The following KRT6A variants were observed in gnomAD, a reference collection of about 807,000 sequenced individuals.
The protein encoded by KRT6A is keratin, type II cytoskeletal 6A.
Under a neutral mutation model 48.6 loss-of-function variants are expected in KRT6A, and 28 were observed. The ratio of observed to expected loss-of-function variants is 0.58; its 90% confidence interval spans 0.43 to 0.79. The LOEUF (loss-of-function observed/expected upper bound fraction) is 0.79, where lower values mean the gene tolerates loss of function less well. Among genes scored for constraint, KRT6A ranks in the 30% least tolerant of loss-of-function variants. The pLI is 0.00. For synonymous variants in KRT6A, 301 were observed against 294.2 expected, an observed-to-expected ratio of 1.02 and a Z score of -0.24; for missense variants, 687 against 724.3, an observed-to-expected ratio of 0.95 and a Z score of 0.59.
At position 52,490,598 on chromosome 12, in the gene KRT6A, C is replaced by T. The variant is rs1448475699; in HGVS notation, c.1048G>A (p.Ala350Thr). 3.1e-6 allele frequency: 5 copies of T among 1,614,088 alleles called. No homozygotes were observed. Among genetic ancestry groups the T allele is most frequent in the Non-Finnish European group, 4.2e-6 (5 of 1,180,056 alleles). The change falls in exon 5 of 9, where the codon GCT (alanine) becomes ACT (threonine). Residue 350 changes from alanine to threonine, a missense_variant. Transcript: ENST00000330722. ...QYEEIAQRSR[A>T]EAESWYQTKY... ...GTCTGGTACCAGGACTCAGCCTCAGCCCGGCTTCTCTGAGCAATCTCCTCA... is the reference window on the plus strand; with the variant it reads ...GTCTGGTACCAGGACTCAGCCTCAGTCCGGCTTCTCTGAGCAATCTCCTCA...
Position 52,491,190 on chromosome 12 carries a change from T to C in KRT6A, c.756-18A>G. ...CCTCATATCTACAGGAAGAAAGGCA[T>C]GGGACACATTTGAGCCAGTGGGTAG... On this transcript the variant is annotated intron_variant, in intron 2 of 8. Transcript: ENST00000330722. The C allele has an allele frequency of 8.7e-6, 14 of 1,613,976 alleles. No individual in the cohort carries two copies. The highest frequency in any genetic ancestry group is 1.1e-5 in the Non-Finnish European group (13 of 1,179,858).
chr12:52,489,896 C>T (rs370811509), intron 6 of KRT6A, 47 bp downstream of exon 6: 183 of 1,613,984 alleles, frequency 1.1e-4, no homozygotes, highest in Middle Eastern at 1.6e-4. Flanking sequence ...GGCTGCCTGA[C>T]GACCTGACAA....
intron 5 of KRT6A, 186 bp from the exon 6 acceptor site, chr12:52,490,254 T>C (rs1168260455): frequency 1.7e-6 from 2 of 1,166,930 alleles, no homozygotes; most frequent in East Asian, 2.5e-5. Flanking sequence ...ATCCTCATTA[T>C]GGCACCACTG....
chr12:52,492,433 G>A (rs907308979), intron 1 of KRT6A, among the ~76,000 whole-genome samples: 8 of 152,134 alleles, frequency 5.3e-5, no homozygotes, highest in African/African-American at 7.2e-5. Context: ...AAAAGTTATG[G>A]TTCTCCCTAG....
At position 52,491,515 on chromosome 12, in the gene KRT6A, A is replaced by C; in HGVS notation, c.755+7T>G. ...GAAACTGAGTCCATTTCTCCTGTTT[A>C]ACTCACTTGTTCTTGAAGTCCTCCA... On this transcript the variant is annotated splice_region_variant and intron_variant, in intron 2 of 8. Coordinates refer to ENST00000330722, the MANE Select transcript of KRT6A (RefSeq NM_005554.4). The C allele has an allele frequency of 6.2e-7, 1 of 1,614,000 alleles. No individual in the cohort carries two copies.
Position 52,493,007 on chromosome 12 carries a change from A to G in KRT6A, c.182T>C (p.Leu61Pro). The G allele has an allele frequency of 6.2e-7, 1 of 1,611,630 alleles. No homozygotes were observed. The highest frequency in any genetic ancestry group is 1.1e-5 in the South Asian group (1 of 90,942). ...CGGAGFGSRS[L>P]YGLGGSKRIS... ...CCTCTTGGAGCCCCCCAGGCCATAC[A>G]GACTGCGGCTGCCAAAGCCAGCTCC... The change falls in exon 1 of 9, where the codon CTG becomes CCG. Residue 61 changes from leucine to proline, a missense_variant. Around this residue, in one of 3 missense-constraint regions of KRT6A, gnomAD observed 49 missense variants for 97.3 expected, o/e 0.50. Transcript: ENST00000330722.
chr12:52,487,189 C>T lies in KRT6A; in HGVS notation c.*531G>A, dbSNP rs75743814. 1,678 of 160,468 alleles carry T rather than the reference C, an allele frequency of 0.01. 22 individuals carry two copies. Among genetic ancestry groups the T allele is most frequent in the African/African-American group, 0.038 (1,571 of 41,588 alleles). 9.9% of individuals were successfully genotyped at this position (160,468 alleles called of 1,614,324 possible). A position where few individuals can be genotyped will look rare whatever the true frequency, so the allele number is the denominator to read the frequency against. On this transcript the variant is annotated 3_prime_UTR_variant, in exon 9 of 9. Coordinates refer to ENST00000330722, the MANE Select transcript of KRT6A (RefSeq NM_005554.4). ...TAAAAGAATATATTGTATTATAAAT[C>T]TGCTTTATTTAGCAATTGCAAACAG...
chr12:52,487,995 G>A, intron 8 of KRT6A, 40 bp from the exon 9 acceptor site: 1 of 1,614,184 alleles, frequency 6.2e-7, no homozygotes, highest in Non-Finnish European at 8.5e-7. Flanking sequence ...AAGCCATGGT[G>A]AGCTCATCCT....
At chr12:52,490,828 A>C in intron 4 of KRT6A, 30 bp downstream of exon 4, 7 of 1,614,126 alleles carry the variant, frequency 4.3e-6, no homozygotes, top group Non-Finnish European at 5.9e-6. Context: ...ACCCCATCAG[A>C]GTAAACAGAA....
chr12:52,492,330 G>A (rs177079), intron 1 of KRT6A, among the ~76,000 whole-genome samples: 40,691 of 152,032 alleles, frequency 0.27, 6,863 homozygotes, highest in East Asian at 0.5. Context: ...TAATTTACCA[G>A]CCCGTGTACT....
In KRT6A at chr12:52,491,276, G is replaced by A. The variant is rs187498791; in HGVS notation, c.756-104C>T. The stretch of plus-strand genomic sequence containing the variant: ...TCCCGAATGGAATATATTCTAATTG[G>A]GCTTTCCTGCCACAGAGAGCCTAAG... On this transcript the variant is annotated intron_variant, in intron 2 of 8. Transcript: ENST00000330722. 2.0e-4 allele frequency: 323 copies of A among 1,601,726 alleles called. 1 individual carries two copies. In the African/African-American group the frequency reaches 3.6e-3, roughly 18 times the overall value.
At chr12:52,491,934 C>A (rs568488583) in intron 1 of KRT6A, among the ~76,000 whole-genome samples, 198 bp from the exon 2 acceptor site, 1 of 152,182 alleles carries the variant, frequency 6.6e-6, no homozygotes, top group Non-Finnish European at 1.5e-5. Flanking sequence ...AATTGTCCCA[C>A]GGACCATTCA....
intron 3 of KRT6A, 57 bp from the exon 4 acceptor site, chr12:52,491,010 T>A (rs538465153): frequency 2.7e-5 from 43 of 1,613,692 alleles, no homozygotes; most frequent in African/African-American, 5.3e-5. Context: ...AATCTACCCA[T>A]CTTCTAGTCT....
intron 5 of KRT6A, 151 bp downstream of exon 5, chr12:52,490,418 T>A: frequency 7.3e-7 from 1 of 1,376,496 alleles, no homozygotes; most frequent in Non-Finnish European, 1.0e-6. Flanking sequence ...TGGGCATAAG[T>A]TCTGCAAATG....
In KRT6A at chr12:52,492,715, C is replaced by G; in HGVS notation, c.474G>C (p.Arg158=). The change falls in exon 1 of 9, where the codon CGG becomes CGC. Residue 158 remains arginine (R), a synonymous_variant. Transcript: ENST00000330722. ...TCTGTTCACGCTCCTCAGCCCGCAC[C>G]CGCTGGATGGTGGGATCGATTTGCA... ...LNLQIDPTIQ[R]VRAEEREQIK... is the part of the protein sequence containing the mutation. 6.2e-7 allele frequency: 1 copy of G among 1,614,054 alleles called. No individual in the cohort carries two copies.
intron 6 of KRT6A, 173 bp downstream of exon 6, chr12:52,489,770 C>T: frequency 9.3e-7 from 1 of 1,069,728 alleles, no homozygotes; most frequent in Non-Finnish European, 1.4e-6. Context: ...TGTGTCATGC[C>T]ATAGGTAGGA....
In KRT6A at chr12:52,491,702, T is replaced by C; in HGVS notation, c.575A>G (p.Glu192Gly). 6.2e-7 allele frequency: 1 copy of C among 1,614,178 alleles called. No individual in the cohort carries two copies. Among genetic ancestry groups the C allele is most frequent in the South Asian group, 1.1e-5 (1 of 91,080 alleles). The change falls in exon 2 of 9, where the codon GAA (glutamate) becomes GGA (glycine). Residue 192 changes from glutamate to glycine, a missense_variant. Transcript: ENST00000330722. ...CTCCTGCAGCAGGGTCCACTTTGTT[T>C]CCAGAACCTTGTTCTGCTGCTCCAG... ...RFLEQQNKVL[E>G]TKWTLLQEQG...
Position 52,488,152 on chromosome 12 carries a change from C to G in KRT6A, c.1425-49G>C, listed in dbSNP as rs748723457. ...GTGAGACCTCAGAGAGCTCTTCCTT[C>G]CCTGGACCAGCGTGGGCAGCCTCGG... is the stretch of plus-strand genomic sequence containing the variant. On this transcript the variant is annotated intron_variant, in intron 7 of 8. Transcript: ENST00000330722. The G allele has an allele frequency of 1.9e-6, 3 of 1,613,842 alleles. No individual in the cohort carries two copies. The African/African-American group carries it at 4.0e-5, about 22-fold the overall frequency.
chr12:52,488,187 G>C, intron 7 of KRT6A, 84 bp from the exon 8 acceptor site: 1 of 1,613,574 alleles, frequency 6.2e-7, no homozygotes, highest in Non-Finnish European at 8.5e-7. Context: ...GTGGGTGGAA[G>C]AGTCCATGGG....
Sources: gnomAD v4.1 joint callset for allele counts (sites outside exome capture counted in the v4.1 genomes callset) on GRCh38, gnomAD v4.1.1 for gene constraint, gnomAD v4.1.1 regional missense constraint, MANE v1.5 for transcripts, NCBI Gene and HGNC (gene_info 2026-07-23, HGNC 2026-07-21) for gene names.